Variants in PGGT1B observed in about 807,000 individuals in gnomAD.
PGGT1B encodes the protein geranylgeranyl transferase type-1 subunit beta.
A neutral mutation model predicts 46.1 loss-of-function variants in PGGT1B; 30 were observed. The observed-to-expected ratio is 0.65, with a 90% CI of 0.49 to 0.88. The LOEUF is 0.88. Among genes scored for constraint, PGGT1B ranks in the 40% least tolerant of loss-of-function variants. The pLI is 0.00. For missense variants in PGGT1B, 376 were observed against 455.9 expected, an observed-to-expected ratio of 0.82 and a Z score of 1.60; for synonymous variants, 170 against 160.0, an observed-to-expected ratio of 1.06 and a Z score of -0.47.
intron 6 of PGGT1B, among the ~76,000 whole-genome samples, chr5:115,225,924 T>C (rs1214060727): frequency 6.6e-6 from 1 of 151,996 alleles, no homozygotes; most frequent in African/African-American, 2.4e-5. Context: ...GCTGGGATTA[T>C]AGGCAGAGCC....
chr5:115,218,369 G>C (rs910703483), intron 7 of PGGT1B, among the ~76,000 whole-genome samples: 1 of 146,624 alleles, frequency 6.8e-6, no homozygotes, highest in African/African-American at 2.5e-5. Flanking sequence ...ACTAAAGATA[G>C]GACAATTTAA....
chr5:115,237,108 C>T (rs1757207484), intron 4 of PGGT1B, among the ~76,000 whole-genome samples: 1 of 152,136 alleles, frequency 6.6e-6, no homozygotes, highest in African/African-American at 2.4e-5. Flanking sequence ...CATATATGTA[C>T]TGGATGAAGT....
At position 115,207,176 on chromosome 5, in the gene PGGT1B, C is replaced by CATATATAT. The variant is rs1455651127; in HGVS notation, c.*5225_*5226insATATATAT. On this transcript the variant is annotated 3_prime_UTR_variant, in exon 9 of 9. Transcript: ENST00000419445. The stretch of plus-strand genomic sequence containing the variant: ...TCTAACTAGTTTAGGTTTGCATATA[C>CATATATAT]ATACATATATATATATATATATATA... 1 of 30,106 alleles carries CATATATAT rather than the reference C, an allele frequency of 3.3e-5. No homozygotes were observed. Among genetic ancestry groups the CATATATAT allele is most frequent in the African/African-American group, 1.9e-4 (1 of 5,290 alleles). 1.9% of individuals were successfully genotyped at this position (30,106 alleles called of 1,614,324 possible). A position where few individuals can be genotyped will look rare whatever the true frequency, so the allele number is the denominator to read the frequency against.
At chr5:115,236,108 C>T (rs1396197654) in intron 5 of PGGT1B, among the ~76,000 whole-genome samples, 2 of 152,090 alleles carry the variant, frequency 1.3e-5, no homozygotes, top group Non-Finnish European at 2.9e-5. Flanking sequence ...TGTCAATATT[C>T]GACTTTCAGA....
At chr5:115,257,339 T>G (rs1748363616) in intron 1 of PGGT1B, among the ~76,000 whole-genome samples, 1 of 151,638 alleles carries the variant, frequency 6.6e-6, no homozygotes, top group African/African-American at 2.4e-5. Flanking sequence ...ATGATGAAAC[T>G]CCATCTCTAC....
chr5:115,251,795 A>G (rs1748114103), intron 2 of PGGT1B, among the ~76,000 whole-genome samples: 1 of 152,042 alleles, frequency 6.6e-6, no homozygotes, highest in Non-Finnish European at 1.5e-5. Context: ...ACCATGTAAG[A>G]TACATTTCTT....
intron 5 of PGGT1B, among the ~76,000 whole-genome samples, chr5:115,233,578 C>G (rs1757067509): frequency 6.8e-6 from 1 of 148,106 alleles, no homozygotes; most frequent in Non-Finnish European, 1.5e-5. Flanking sequence ...AAATAATGGA[C>G]TAGAACTAGG....
Position 115,212,129 on chromosome 5 carries a change from A to G in PGGT1B, c.*273T>C. On this transcript the variant is annotated 3_prime_UTR_variant, in exon 9 of 9. Transcript: ENST00000419445. ...GAGTTTTTAAAAAGATAACCTACAC[A>G]CATACAGTTAATTTGCCTCAAACAA... 2.6e-6 allele frequency: 1 copy of G among 387,556 alleles called. No individual in the cohort carries two copies. Among genetic ancestry groups the G allele is most frequent in the South Asian group, 3.3e-5 (1 of 30,748 alleles). 24.0% of individuals were successfully genotyped at this position (387,556 alleles called of 1,614,324 possible). A position where few individuals can be genotyped will look rare whatever the true frequency, so the allele number is the denominator to read the frequency against.
At chr5:115,245,231 A>T (rs1747777154) in intron 2 of PGGT1B, among the ~76,000 whole-genome samples, 1 of 152,222 alleles carries the variant, frequency 6.6e-6, no homozygotes, top group Admixed American at 6.5e-5. Flanking sequence ...GTAGTGGCTC[A>T]ATAAAATATC....
At chr5:115,250,974 G>C (rs757255735) in intron 2 of PGGT1B, among the ~76,000 whole-genome samples, 1 of 152,068 alleles carries the variant, frequency 6.6e-6, no homozygotes, top group Non-Finnish European at 1.5e-5. Context: ...ATTTTCCATG[G>C]TGTGAATATG....
intron 1 of PGGT1B, among the ~76,000 whole-genome samples, chr5:115,257,800 A>G (rs1056935370): frequency 1.3e-5 from 2 of 152,228 alleles, no homozygotes; most frequent in Admixed American, 6.5e-5. Flanking sequence ...ATCTAAAATT[A>G]TAAATAAGCA....
chr5:115,231,376 T>C (rs1280227060), intron 5 of PGGT1B, among the ~76,000 whole-genome samples: 1 of 152,048 alleles, frequency 6.6e-6, no homozygotes, highest in Non-Finnish European at 1.5e-5. Context: ...GATTTCATAC[T>C]GATAGAACAT....
chr5:115,211,372 G>A lies in PGGT1B; in HGVS notation c.*1030C>T, dbSNP rs1456663703. 6.6e-6 allele frequency: 1 copy of A among 151,788 alleles called. No individual in the cohort carries two copies. The highest frequency in any genetic ancestry group is 1.5e-5 in the Non-Finnish European group (1 of 67,874). The allele number at this position is 151,788 out of a possible 1,614,324, so 9.4% of individuals were successfully genotyped here. ...TTCCCTTTCACTTACCTGAAAATAT[G>A]AGAATAAAAATGACCATGTATTGAG... On this transcript the variant is annotated 3_prime_UTR_variant, in exon 9 of 9. Transcript: ENST00000419445.
At chr5:115,258,892 C>T (rs1748434671) in intron 1 of PGGT1B, among the ~76,000 whole-genome samples, 1 of 152,224 alleles carries the variant, frequency 6.6e-6, no homozygotes. Flanking sequence ...TATACTTTAA[C>T]AGGCTGCTTC....
intron 7 of PGGT1B, among the ~76,000 whole-genome samples, chr5:115,218,607 T>C (rs1464686443): frequency 6.6e-6 from 1 of 150,998 alleles, no homozygotes; most frequent in Non-Finnish European, 1.5e-5. Context: ...GAATTCAGTA[T>C]TTATCTGTCC....
At chr5:115,252,223 A>G (rs1748132128) in intron 2 of PGGT1B, among the ~76,000 whole-genome samples, 1 of 152,114 alleles carries the variant, frequency 6.6e-6, no homozygotes, top group African/African-American at 2.4e-5. Flanking sequence ...AGTTCAAAAT[A>G]CTTAAATCAT....
intron 3 of PGGT1B, 60 bp downstream of exon 3, chr5:115,241,479 C>A (rs1454029536): frequency 9.4e-7 from 1 of 1,063,568 alleles, no homozygotes; most frequent in African/African-American, 1.7e-5. Context: ...TCTTAGTTTT[C>A]TCTTTTATTA....
At chr5:115,234,714 T>C (rs113950579) in intron 5 of PGGT1B, among the ~76,000 whole-genome samples, 5 of 152,062 alleles carry the variant, frequency 3.3e-5, no homozygotes, top group African/African-American at 1.2e-4. Context: ...TTCTGGGTAA[T>C]AGGAGCCAGG....
Position 115,204,072 on chromosome 5 carries a change from A to AT in PGGT1B, c.*8329dup, listed in dbSNP as rs1446528713. On this transcript the variant is annotated 3_prime_UTR_variant, in exon 9 of 9. Transcript: ENST00000419445. ...GATCCAGCTACCACACACTAAAATC[A>AT]TATTAGTTTTTCGGGGGTAGGAGTA... 1 of 152,182 alleles carries AT rather than the reference A, an allele frequency of 6.6e-6. No homozygotes were observed. Among genetic ancestry groups the AT allele is most frequent in the African/African-American group, 2.4e-5 (1 of 41,440 alleles). 9.4% of individuals were successfully genotyped at this position (152,182 alleles called of 1,614,324 possible). A position where few individuals can be genotyped will look rare whatever the true frequency, so the allele number is the denominator to read the frequency against.
Sources: gnomAD v4.1 joint callset for allele counts (sites outside exome capture counted in the v4.1 genomes callset) on GRCh38, gnomAD v4.1.1 for gene constraint, MANE v1.5 for transcripts, NCBI Gene and HGNC (gene_info 2026-07-23, HGNC 2026-07-21) for gene names.